The following SOX5 variants were observed in gnomAD, a reference collection of about 807,000 sequenced individuals.
SOX5 encodes the protein transcription factor SOX-5.
A neutral mutation model predicts 92.0 loss-of-function variants in SOX5; 9 were observed. The observed-to-expected ratio is 0.10, with a 90% CI of 0.06 to 0.17. The LOEUF is 0.17. Among genes scored for constraint, SOX5 ranks in the 10% least tolerant of loss-of-function variants. The probability of loss-of-function intolerance (pLI) is 1.00; values close to 1 mark genes in which losing one functional copy is unlikely to be tolerated. For synonymous variants in SOX5, 344 were observed against 336.3 expected, an observed-to-expected ratio of 1.02 and a Z score of -0.25; for missense variants, 642 against 944.5, an observed-to-expected ratio of 0.68 and a Z score of 4.20.
chr12:23,857,366 C>T (rs901819176), intron 2 of SOX5, among the ~76,000 whole-genome samples: 2 of 152,088 alleles, frequency 1.3e-5, no homozygotes, highest in African/African-American at 4.8e-5. Context: ...AAGATCTCCA[C>T]TGAATAGGAA....
At chr12:24,314,211 A>C (rs116594887) in intron 2 of SOX5, among the ~76,000 whole-genome samples, 38 of 152,192 alleles carry the variant, frequency 2.5e-4, no homozygotes, top group African/African-American at 9.2e-4. Flanking sequence ...TTAAATGATA[A>C]CAGTTCTTGC....
At chr12:24,511,957 C>CAAAA (rs11408941) in intron 1 of SOX5, among the ~76,000 whole-genome samples, 11 of 131,266 alleles carry the variant, frequency 8.4e-5, no homozygotes, top group African/African-American at 2.2e-4. Flanking sequence ...GACTCCATCT[C>CAAAA]AAAAAAAAAA....
chr12:23,708,430 C>T (rs1272728088), intron 6 of SOX5, among the ~76,000 whole-genome samples: 1 of 151,962 alleles, frequency 6.6e-6, no homozygotes, highest in Non-Finnish European at 1.5e-5. Flanking sequence ...AAAATAAATT[C>T]AGAAAAGTCA....
At chr12:23,594,032 T>A (rs1951975874) in intron 9 of SOX5, among the ~76,000 whole-genome samples, 1 of 152,204 alleles carries the variant, frequency 6.6e-6, no homozygotes, top group Non-Finnish European at 1.5e-5. Flanking sequence ...CAATTATAGT[T>A]TTTTAAGCTG....
At chr12:24,440,991 T>C (rs567175170) in intron 1 of SOX5, among the ~76,000 whole-genome samples, 1 of 152,282 alleles carries the variant, frequency 6.6e-6, no homozygotes, top group Admixed American at 6.5e-5. Context: ...GTTCATGCAT[T>C]CTCCTCTTAC....
Position 24,398,375 on chromosome 12 carries a change from G to A in SOX5, c.-250-29736C>T, listed in dbSNP as rs566637094. 4.6e-5 allele frequency among the ~76,000 whole-genome samples: 7 copies of A among 152,240 alleles called. No homozygotes were observed. In the South Asian group the frequency reaches 1.5e-3, roughly 32 times the overall value. ...AAAAACAATTAACCAGGTGTGGTGT[G>A]TGCCTGTGGTCCCAGCTACTCGAGA... is the stretch of plus-strand genomic sequence containing the variant. On this transcript the variant is annotated intron_variant, in intron 1 of 4. Transcript: ENST00000446891.
intron 1 of SOX5, among the ~76,000 whole-genome samples, chr12:24,416,274 A>G (rs1474425595): frequency 1.3e-5 from 2 of 152,218 alleles, no homozygotes; most frequent in Non-Finnish European, 2.9e-5. Flanking sequence ...TATTCTCCCC[A>G]GGGTGACCAA....
intron 3 of SOX5, among the ~76,000 whole-genome samples, chr12:23,788,223 A>G (rs756992302): frequency 1.3e-5 from 2 of 152,028 alleles, no homozygotes; most frequent in Non-Finnish European, 2.9e-5. Context: ...TAAAATGAGT[A>G]GAAGGATTCA....
At chr12:24,310,522 T>C (rs1691766936) in intron 2 of SOX5, among the ~76,000 whole-genome samples, 1 of 152,216 alleles carries the variant, frequency 6.6e-6, no homozygotes, top group African/African-American at 2.4e-5. Context: ...AGGATATTTG[T>C]GTAATATATA....
chr12:24,459,618 G>C (rs188709055), intron 1 of SOX5, among the ~76,000 whole-genome samples: 1 of 152,170 alleles, frequency 6.6e-6, no homozygotes, highest in Non-Finnish European at 1.5e-5. Context: ...TCAGGGAAGG[G>C]AATAAAGAAA....
intron 11 of SOX5, among the ~76,000 whole-genome samples, chr12:23,557,070 G>T (rs1945304530): frequency 6.6e-6 from 1 of 152,154 alleles, no homozygotes; most frequent in African/African-American, 2.4e-5. Context: ...GTCATTTCAT[G>T]TTTGGCACTC....
intron 6 of SOX5, among the ~76,000 whole-genome samples, chr12:23,718,081 A>T (rs1372984202): frequency 6.6e-6 from 1 of 152,210 alleles, no homozygotes; most frequent in African/African-American, 2.4e-5. Context: ...ATAATTTTTA[A>T]AAACCTTTCT....
At chr12:24,322,250 T>G (rs1408671126) in intron 2 of SOX5, among the ~76,000 whole-genome samples, 2 of 152,162 alleles carry the variant, frequency 1.3e-5, no homozygotes, top group Non-Finnish European at 2.9e-5. Flanking sequence ...TAAGATGAGA[T>G]GTACACATTT....
At chr12:23,796,890 AATATTTATATAT>A (rs1477621370) in intron 3 of SOX5, among the ~76,000 whole-genome samples, 1 of 134,910 alleles carries the variant, frequency 7.4e-6, no homozygotes, top group Non-Finnish European at 1.6e-5. Flanking sequence ...AATATATATA[AATATTTATATAT>A]ATATTTATAT....
intron 4 of SOX5, among the ~76,000 whole-genome samples, chr12:24,075,419 A>C (rs1218532427): frequency 6.6e-6 from 1 of 152,080 alleles, no homozygotes; most frequent in East Asian, 1.9e-4. Context: ...TGAGAGGCTA[A>C]GTATAAGAAA....
intron 11 of SOX5, among the ~76,000 whole-genome samples, chr12:23,558,789 G>GA (rs1183188122): frequency 6.6e-6 from 1 of 152,128 alleles, no homozygotes; most frequent in Admixed American, 6.5e-5. Context: ...TTTTAGTAGA[G>GA]ACGGGGTTTC....
At chr12:24,343,949 T>C (rs1952880974) in intron 2 of SOX5, among the ~76,000 whole-genome samples, 1 of 152,142 alleles carries the variant, frequency 6.6e-6, no homozygotes, top group Non-Finnish European at 1.5e-5. Flanking sequence ...GACTTAAGAA[T>C]GTAGGGACTT....
chr12:24,232,614 A>C (rs954419540), intron 3 of SOX5, among the ~76,000 whole-genome samples: 1 of 152,192 alleles, frequency 6.6e-6, no homozygotes, highest in Non-Finnish European at 1.5e-5. Context: ...TCTGGCTCTA[A>C]GAATGACTTG....
intron 1 of SOX5, among the ~76,000 whole-genome samples, chr12:24,532,455 A>G (rs1032674260): frequency 6.6e-6 from 1 of 152,236 alleles, no homozygotes; most frequent in African/African-American, 2.4e-5. Context: ...CATCAAGTTT[A>G]TATTCCCTCC....
Sources: gnomAD v4.1 joint callset for allele counts (sites outside exome capture counted in the v4.1 genomes callset) on GRCh38, gnomAD v4.1.1 for gene constraint, MANE v1.5 for transcripts, NCBI Gene and HGNC (gene_info 2026-07-23, HGNC 2026-07-21) for gene names.